The following TENM2 variants were observed in gnomAD, a reference collection of about 807,000 sequenced individuals.
TENM2 encodes teneurin-2.
In TENM2, 52 loss-of-function variants were observed where a neutral mutation model predicts 245.2. The observed-to-expected ratio is 0.21, with a 90% CI of 0.17 to 0.27. The LOEUF (loss-of-function observed/expected upper bound fraction) is 0.27, where lower values mean the gene tolerates loss of function less well. Ranked by LOEUF, TENM2 falls within the 10% of genes least tolerant of loss-of-function variation. TENM2 has a pLI of 1.00. For missense variants in TENM2, 3,046 were observed against 3,666.8 expected (o/e 0.83, Z 4.37); for synonymous variants, 1,363 against 1,438.9 (o/e 0.95, Z 1.19).
At chr5:167,189,359 A>G in the TENM2 span, among the ~76,000 whole-genome samples, 1 of 152,192 alleles carries the variant, frequency 6.6e-6, no homozygotes, top group Non-Finnish European at 1.5e-5. Flanking sequence ...TACAATTTAG[A>G]GGTACAATTT....
At chr5:167,016,360 A>G in the TENM2 span, among the ~76,000 whole-genome samples, 2 of 151,476 alleles carry the variant, frequency 1.3e-5, no homozygotes. Flanking sequence ...TACATTGCTG[A>G]TCATGTTCAC....
the TENM2 span, among the ~76,000 whole-genome samples, chr5:167,070,184 C>T: frequency 2.4e-4 from 36 of 151,370 alleles, no homozygotes; most frequent in African/African-American, 8.5e-4. Context: ...GGGGCGCGAT[C>T]TCGGCTCACT....
exon 4 of TENM2, chr5:167,952,634 A>G (rs755570722): frequency 6.2e-7 from 1 of 1,606,546 alleles, no homozygotes; most frequent in South Asian, 1.1e-5. Context: ...CCCCTCTCCC[A>G]CCCCCTCACA....
At chr5:167,500,922 A>T (rs1305231968) in intron 2 of TENM2, among the ~76,000 whole-genome samples, 1 of 152,118 alleles carries the variant, frequency 6.6e-6, no homozygotes. Context: ...TCCAAGACTC[A>T]CAACTGCTCA....
At chr5:167,425,675 A>G (rs928417106) in intron 2 of TENM2, among the ~76,000 whole-genome samples, 6 of 152,160 alleles carry the variant, frequency 3.9e-5, no homozygotes, top group Admixed American at 1.3e-4. Context: ...CAGCTTAATA[A>G]CTGTATGAAC....
intron 2 of TENM2, among the ~76,000 whole-genome samples, chr5:167,682,887 A>C (rs1350195713): frequency 6.6e-6 from 1 of 152,226 alleles, no homozygotes; most frequent in Non-Finnish European, 1.5e-5. Context: ...TACATTACAC[A>C]GAATAATTAT....
chr5:167,726,252 A>T (rs1045570606), intron 2 of TENM2, among the ~76,000 whole-genome samples: 3 of 98,732 alleles, frequency 3.0e-5, no homozygotes, highest in Non-Finnish European at 5.6e-5. Flanking sequence ...TTCATGATCT[A>T]TGGTCAAAAA....
chr5:167,901,610 A>G (rs139838513), intron 3 of TENM2, among the ~76,000 whole-genome samples: 1 of 152,206 alleles, frequency 6.6e-6, no homozygotes, highest in Non-Finnish European at 1.5e-5. Flanking sequence ...GAAGGAATAA[A>G]TTAGTGCATT....
At chr5:167,592,768 A>G (rs1342751223) in intron 2 of TENM2, among the ~76,000 whole-genome samples, 5 of 152,198 alleles carry the variant, frequency 3.3e-5, no homozygotes, top group East Asian at 1.9e-4. Flanking sequence ...ATTTTTACAG[A>G]TAAGCTCTTA....
At chr5:167,362,677 T>C (rs1759787648) in intron 1 of TENM2, among the ~76,000 whole-genome samples, 2 of 152,130 alleles carry the variant, frequency 1.3e-5, no homozygotes, top group Admixed American at 1.3e-4. Context: ...TCTACTGATA[T>C]ATCATACTTT....
chr5:168,015,102 A>G (rs1329175771), intron 5 of TENM2, among the ~76,000 whole-genome samples: 1 of 152,172 alleles, frequency 6.6e-6, no homozygotes, highest in Non-Finnish European at 1.5e-5. Context: ...TCCTCCTTCT[A>G]TAGCAGGACC....
intron 2 of TENM2, among the ~76,000 whole-genome samples, chr5:167,733,416 C>T (rs1040960521): frequency 9.2e-5 from 14 of 152,138 alleles, no homozygotes; most frequent in African/African-American, 3.1e-4. Context: ...ACCAAAGTAA[C>T]ATCGAATGTG....
the TENM2 span, among the ~76,000 whole-genome samples, chr5:167,247,255 G>A: frequency 6.6e-6 from 1 of 152,026 alleles, no homozygotes; most frequent in Non-Finnish European, 1.5e-5. Flanking sequence ...AAGTGACAGG[G>A]CTGAATTCAT....
the TENM2 span, among the ~76,000 whole-genome samples, chr5:167,202,929 T>G: frequency 6.6e-6 from 1 of 152,152 alleles, no homozygotes; most frequent in Non-Finnish European, 1.5e-5. Context: ...GAACTTGAAC[T>G]AAGACAAATC....
intron 1 of TENM2, among the ~76,000 whole-genome samples, chr5:167,306,063 G>C (rs1221323395): frequency 1.3e-5 from 2 of 152,152 alleles, no homozygotes; most frequent in East Asian, 3.9e-4. Flanking sequence ...GCTACCCAGG[G>C]TTGCTTAAGG....
At chr5:167,473,186 T>G (rs891082528) in intron 2 of TENM2, among the ~76,000 whole-genome samples, 11 of 152,356 alleles carry the variant, frequency 7.2e-5, no homozygotes, top group African/African-American at 2.2e-4. Flanking sequence ...TATGTAGGCT[T>G]ATCATTGTGA....
At chr5:167,033,140 A>G in the TENM2 span, among the ~76,000 whole-genome samples, 2 of 152,222 alleles carry the variant, frequency 1.3e-5, no homozygotes, top group South Asian at 4.1e-4. Context: ...GTTTGATCAA[A>G]AGGACAAGAT....
chr5:167,515,541 G>A (rs1389224516), intron 2 of TENM2, among the ~76,000 whole-genome samples: 1 of 140,706 alleles, frequency 7.1e-6, no homozygotes, highest in African/African-American at 2.6e-5. Flanking sequence ...AGACTTCAGA[G>A]CCTTGTCCTC....
At chr5:167,035,332 G>A in the TENM2 span, among the ~76,000 whole-genome samples, 4 of 152,224 alleles carry the variant, frequency 2.6e-5, no homozygotes, top group South Asian at 2.1e-4. Context: ...AGTGATCCTC[G>A]AAATTTCATA....
Sources: gnomAD v4.1 joint callset for allele counts (sites outside exome capture counted in the v4.1 genomes callset) on GRCh38, gnomAD v4.1.1 for gene constraint, MANE v1.5 for transcripts, NCBI Gene and HGNC (gene_info 2026-07-23, HGNC 2026-07-21) for gene names.